Variants in POLR1C observed in about 807,000 individuals in gnomAD.
POLR1C encodes RNA polymerase I and III subunit C.
A neutral mutation model predicts 38.3 loss-of-function variants in POLR1C; 42 were observed. That is an observed-to-expected ratio of 1.10 (90% CI 0.86 to 1.42). POLR1C has a LOEUF of 1.42. Among genes scored for constraint, POLR1C ranks in the 40% most tolerant of loss-of-function variants. The pLI is 0.00. For synonymous variants in POLR1C, 163 were observed against 163.9 expected (o/e 0.99, Z 0.04); for missense variants, 507 against 450.5 (o/e 1.13, Z -1.14).
intron 9 of POLR1C, chr6:43,538,734 A>G: frequency 2.0e-6 from 1 of 510,398 alleles, no homozygotes; most frequent in South Asian, 3.6e-5. Flanking sequence ...CAAAATAAAT[A>G]AGCCTCATAA....
At chr6:43,545,665 C>G (rs902350577) in intron 9 of POLR1C, among the ~76,000 whole-genome samples, 1 of 152,046 alleles carries the variant, frequency 6.6e-6, no homozygotes, top group African/African-American at 2.4e-5. Flanking sequence ...CAAGATTGCA[C>G]CACTGCACTC....
At chr6:43,531,561 G>C (rs576734931), downstream of POLR1C, 18 of 1,613,784 alleles carry the variant, frequency 1.1e-5, no homozygotes, top group East Asian at 2.2e-5. Flanking sequence ...AGTTCCAAGA[G>C]AGGTTGAGGT....
chr6:43,531,723 T>G (rs188425379), downstream of POLR1C: 1,561 of 690,104 alleles, frequency 2.3e-3, 4 homozygotes, highest in Non-Finnish European at 2.4e-3. Context: ...CGTGATTTGC[T>G]GCACTCTTTT....
At chr6:43,525,238 T>TA (rs1432197305), downstream of POLR1C, 5 of 1,554,072 alleles carry the variant, frequency 3.2e-6, no homozygotes, top group Admixed American at 3.9e-5. Context: ...GATGAAGAGT[T>TA]ACAATGGAAA....
downstream of POLR1C, chr6:43,524,557 A>G (rs1444719079): frequency 3.1e-6 from 5 of 1,613,874 alleles, no homozygotes; most frequent in Non-Finnish European, 4.2e-6. Flanking sequence ...AAAAGCTTGC[A>G]GTCAAACTGG....
chr6:43,547,025 C>T (rs1030117498), intron 9 of POLR1C, among the ~76,000 whole-genome samples: 1 of 152,132 alleles, frequency 6.6e-6, no homozygotes, highest in Admixed American at 6.6e-5. Context: ...ACCCACAGGA[C>T]CCTGATGAGA....
intron 10 of POLR1C, chr6:43,553,254 A>G (rs962342206): frequency 7.7e-7 from 1 of 1,291,936 alleles, no homozygotes; most frequent in Non-Finnish European, 1.0e-6. Flanking sequence ...GAGAGCTATG[A>G]TTGTGCCACT....
chr6:43,553,312 G>GAGAAA lies in POLR1C; in HGVS notation c.*48+2313_*48+2317dup, dbSNP rs746460482. 9.1e-6 allele frequency: 14 copies of GAGAAA among 1,544,808 alleles called. No individual in the cohort carries two copies. In the African/African-American group the frequency reaches 1.9e-4, roughly 21 times the overall value. ...GAGATATAGCGTCCCAAAATAGAAA[G>GAGAAA]AGAAAAGAAAAGAAAAAGGTCAAAA... On this transcript the variant is annotated intron_variant, in intron 10 of 10. Transcript: ENST00000607635.
chr6:43,518,685 G>C (rs1231629300), intron 2 of POLR1C, among the ~76,000 whole-genome samples: 1 of 152,102 alleles, frequency 6.6e-6, no homozygotes, highest in African/African-American at 2.4e-5. Context: ...AAAAAAGGAG[G>C]AGATTTTTTT....
At chr6:43,548,733 G>T (rs1186905140) in intron 9 of POLR1C, among the ~76,000 whole-genome samples, 4 of 150,256 alleles carry the variant, frequency 2.7e-5, no homozygotes, top group African/African-American at 4.9e-5. Flanking sequence ...TATATATATA[G>T]ATATATATGT....
At position 43,519,425 on chromosome 6, in the gene POLR1C, A is replaced by C; in HGVS notation, c.234A>C (p.Arg78=). The change falls in exon 3 of 9, where the codon CGA becomes CGC. Residue 78 remains arginine, a synonymous_variant. Coordinates refer to ENST00000642195, the MANE Select transcript of POLR1C (RefSeq NM_203290.4). ...CAGCCATTGCCAATGCTTTTCGACG[A>C]ATTCTGCTAGCTGAGGTATTGGCAG... ...IDAAIANAFR[R]ILLAEVPTMA... 1 of 1,612,706 alleles carries C rather than the reference A, an allele frequency of 6.2e-7. No homozygotes were observed. The highest frequency in any genetic ancestry group is 1.3e-5 in the African/African-American group (1 of 75,010).
chr6:43,527,499 T>C, intron 8 of POLR1C: 2 of 809,990 alleles, frequency 2.5e-6, no homozygotes, highest in Non-Finnish European at 4.0e-6. Flanking sequence ...GTCTTGATCT[T>C]TTGACCTCGC....
chr6:43,541,261 A>G (rs767461777), intron 9 of POLR1C, among the ~76,000 whole-genome samples: 1 of 152,226 alleles, frequency 6.6e-6, no homozygotes, highest in South Asian at 2.1e-4. Context: ...GCAGTTGACT[A>G]TAACTGGATT....
downstream of POLR1C, chr6:43,526,078 A>G (rs572165466): frequency 1.4e-6 from 1 of 689,754 alleles, no homozygotes; most frequent in East Asian, 2.8e-5. Flanking sequence ...CATAATGCCC[A>G]TGCCCATGGC....
intron 10 of POLR1C, among the ~76,000 whole-genome samples, chr6:43,559,306 C>A (rs996263404): frequency 1.3e-5 from 2 of 152,078 alleles, no homozygotes; most frequent in African/African-American, 4.8e-5. Context: ...CAAAAAAAAA[C>A]ACAGAACACC....
At position 43,545,527 on chromosome 6, in the gene POLR1C, C is replaced by T. The variant is rs113358653; in HGVS notation, c.*5-5441C>T. 3.8e-4 allele frequency among the ~76,000 whole-genome samples: 58 copies of T among 152,012 alleles called. 1 individual carries two copies. Among genetic ancestry groups the T allele is most frequent in the Middle Eastern group, 3.4e-3 (1 of 294 alleles). Reference sequence around the variant, plus strand: ...TTCGAGACCAGCCTGGCTAACATGGCGAAGCCCTGTCTCTACTAAAAATAC... The same window carrying T: ...TTCGAGACCAGCCTGGCTAACATGGTGAAGCCCTGTCTCTACTAAAAATAC... On this transcript the variant is annotated intron_variant, in intron 9 of 10. Coordinates refer to the POLR1C transcript ENST00000607635.
chr6:43,518,138 TTGAATAGTTC>T (rs1792937587), intron 2 of POLR1C, among the ~76,000 whole-genome samples: 1 of 151,944 alleles, frequency 6.6e-6, no homozygotes. Context: ...GATAGGGAGA[TTGAATAGTTC>T]TTAAGCAGAC....
At chr6:43,520,911 A>C (rs1466830774) in intron 7 of POLR1C, 21 bp from the exon 8 acceptor site, 1 of 1,611,800 alleles carries the variant, frequency 6.2e-7, no homozygotes, top group South Asian at 1.1e-5. Context: ...GGAATAAAAA[A>C]ACATGGTTTG....
chr6:43,561,382 CT>C (rs889339855), intron 10 of POLR1C: 71 of 163,130 alleles, frequency 4.4e-4, no homozygotes, highest in Middle Eastern at 2.9e-3. Flanking sequence ...AGTTTCTTTT[CT>C]TTTTTTTTTC....
Sources: gnomAD v4.1 joint callset for allele counts (sites outside exome capture counted in the v4.1 genomes callset) on GRCh38, gnomAD v4.1.1 for gene constraint, MANE v1.5 for transcripts, NCBI Gene and HGNC (gene_info 2026-07-23, HGNC 2026-07-21) for gene names.